CDH8: variants seen among roughly 807,000 people sequenced by gnomAD.
The protein encoded by CDH8 is cadherin 8.
In CDH8, 17 loss-of-function variants were observed where a neutral mutation model predicts 68.1. The ratio of observed to expected loss-of-function variants is 0.25; its 90% CI spans 0.17 to 0.37. The LOEUF is 0.37. Ranked by LOEUF, CDH8 falls within the 10% of genes least tolerant of loss-of-function variation. CDH8 has a pLI of 1.00. For missense variants in CDH8, 763 were observed against 999.3 expected (o/e 0.76, Z 3.19); for synonymous variants, 372 against 365.1 (o/e 1.02, Z -0.21).
At chr16:61,792,083 G>T (rs1307581143) in intron 7 of CDH8, among the ~76,000 whole-genome samples, 2 of 151,914 alleles carry the variant, frequency 1.3e-5, no homozygotes, top group African/African-American at 2.4e-5. Flanking sequence ...AAGTAGTGAA[G>T]AATGCTCTTC....
intron 3 of CDH8, among the ~76,000 whole-genome samples, chr16:61,869,397 A>C (rs1430463246): frequency 6.6e-6 from 1 of 152,148 alleles, no homozygotes; most frequent in Admixed American, 6.6e-5. Context: ...GGTGGAGGGC[A>C]GGTTGGAGGT....
chr16:61,897,161 GTCTAC>G (rs1395637525), intron 3 of CDH8, among the ~76,000 whole-genome samples: 43 of 150,960 alleles, frequency 2.8e-4, no homozygotes, highest in African/African-American at 9.7e-4. Context: ...TTATTGAAAT[GTCTAC>G]TCTATTAGCA....
chr16:61,965,706 G>A (rs754980787), intron 2 of CDH8, among the ~76,000 whole-genome samples: 2 of 152,208 alleles, frequency 1.3e-5, no homozygotes, highest in Non-Finnish European at 2.9e-5. Flanking sequence ...ACAACTGCCT[G>A]CCTTCCTGGT....
intron 2 of CDH8, among the ~76,000 whole-genome samples, chr16:61,968,298 T>G (rs1311548353): frequency 6.6e-6 from 1 of 152,252 alleles, no homozygotes; most frequent in Non-Finnish European, 1.5e-5. Context: ...CCTCCTCCTT[T>G]CATTCACCCT....
rs745998335 is a variant in CDH8, at chr16:61,655,500, C to T, written c.1876G>A (p.Ala626Thr). 5 of 1,614,062 alleles carry T rather than the reference C, an allele frequency of 3.1e-6. No homozygotes were observed. The East Asian group carries it at 6.7e-5, about 22-fold the overall frequency. ...AGCAAAATGATGCATGCTAATATGG[C>T]AATTAAGGCGCCCATACTGAGTCCA... The part of the protein sequence containing the change: ...PIGLSMGALI[A>T]ILACIILLLV... The change falls in exon 11 of 12, where the codon GCC (alanine) becomes ACC (threonine). Residue 626 changes from alanine to threonine, a missense_variant. Physicochemically the swap from Ala to Thr is moderately conservative, Grantham distance 58. Around this residue, in one of 2 missense-constraint regions of CDH8, gnomAD observed 397 missense variants for 436.2 expected, o/e 0.91. Transcript: ENST00000577390.
intron 2 of CDH8, among the ~76,000 whole-genome samples, chr16:61,943,478 T>G (rs1302212195): frequency 6.6e-6 from 1 of 152,208 alleles, no homozygotes; most frequent in African/African-American, 2.4e-5. Flanking sequence ...TCTGGATAGG[T>G]GTTTGCAGAT....
chr16:61,723,111 T>C (rs1959242297), intron 9 of CDH8, among the ~76,000 whole-genome samples: 1 of 150,778 alleles, frequency 6.6e-6, no homozygotes, highest in Admixed American at 6.6e-5. Context: ...CCTGCACTGA[T>C]AGATCATCCA....
At position 61,945,874 on chromosome 16, in the gene CDH8, A is replaced by G. The variant is rs374493805; in HGVS notation, c.253-44401T>C. 6.2e-4 allele frequency among the ~76,000 whole-genome samples: 94 copies of G among 152,150 alleles called. 2 individuals are homozygous for G. In the East Asian group the frequency reaches 0.017, roughly 28 times the overall value. ...TTTGTTTTGTTTTGTTTCTTTCACT[A>G]TTTCCTCCGATTTTTCTTCTAAATC... is the stretch of plus-strand genomic sequence containing the variant. On this transcript the variant is annotated intron_variant, in intron 2 of 11. Transcript: ENST00000577390.
intron 10 of CDH8, 93 bp from the exon 11 acceptor site, chr16:61,655,814 C>T: frequency 1.8e-6 from 2 of 1,117,354 alleles, no homozygotes; most frequent in South Asian, 1.5e-5. Flanking sequence ...CTTTGCAAAC[C>T]TCAAGACAAT....
At chr16:61,923,106 T>C (rs955569478) in intron 2 of CDH8, among the ~76,000 whole-genome samples, 2 of 152,318 alleles carry the variant, frequency 1.3e-5, no homozygotes, top group East Asian at 3.9e-4. Context: ...ACAAAATACA[T>C]TGTGTCATGT....
intron 4 of CDH8, among the ~76,000 whole-genome samples, chr16:61,846,155 A>C (rs990812727): frequency 1.3e-5 from 2 of 152,176 alleles, no homozygotes; most frequent in Non-Finnish European, 2.9e-5. Flanking sequence ...AGATGAATCA[A>C]AACTAATGAT....
chr16:61,748,166 C>G (rs777660747), intron 8 of CDH8, among the ~76,000 whole-genome samples: 46 of 152,128 alleles, frequency 3.0e-4, no homozygotes, highest in Non-Finnish European at 4.6e-4. Context: ...TGAAATCCTA[C>G]TTGCAAACCA....
At chr16:61,749,686 G>C (rs1960110005) in intron 8 of CDH8, among the ~76,000 whole-genome samples, 2 of 151,956 alleles carry the variant, frequency 1.3e-5, no homozygotes, top group African/African-American at 4.8e-5. Context: ...TGCTGAAAGA[G>C]TTAGCCCTTG....
chr16:61,714,278 C>T (rs1050803846), intron 9 of CDH8: 4 of 274,520 alleles, frequency 1.5e-5, no homozygotes, highest in Admixed American at 5.5e-5. Context: ...TGAGTATTTA[C>T]GGGCATCTAG....
rs184199821 is a variant in CDH8, at chr16:61,959,416, C to T, written c.253-57943G>A. Among the ~76,000 whole-genome samples, 20 of 152,050 alleles carry T rather than the reference C, an allele frequency of 1.3e-4. 1 individual carries two copies. In the East Asian group the frequency reaches 3.5e-3, roughly 27 times the overall value. On this transcript the variant is annotated intron_variant, in intron 2 of 11. Transcript: ENST00000577390. ...TTCACTTTTGAAAAATTAAGAATCT[C>T]GAGACAATGACAGCAGAGGATTCAT...
At chr16:61,777,405 G>A (rs550191472) in intron 8 of CDH8, among the ~76,000 whole-genome samples, 57 of 152,248 alleles carry the variant, frequency 3.7e-4, no homozygotes, top group African/African-American at 1.4e-3. Flanking sequence ...TCTACAGTAA[G>A]AGTTATTGTT....
At chr16:61,838,598 C>CT (rs1204217755) in intron 4 of CDH8, among the ~76,000 whole-genome samples, 2 of 152,048 alleles carry the variant, frequency 1.3e-5, no homozygotes, top group Non-Finnish European at 2.9e-5. Context: ...TTTTGTGCTT[C>CT]TTACAATACA....
intron 9 of CDH8, chr16:61,725,241 A>G (rs1200816092): frequency 6.7e-6 from 1 of 150,112 alleles, no homozygotes; most frequent in Non-Finnish European, 1.5e-5. Flanking sequence ...AGATGAGAAA[A>G]CAATGCATTT....
intron 8 of CDH8, among the ~76,000 whole-genome samples, chr16:61,766,398 C>A (rs1430775865): frequency 6.6e-6 from 1 of 151,926 alleles, no homozygotes; most frequent in South Asian, 2.1e-4. Flanking sequence ...GTTTGATGGA[C>A]ACTTATGTTG....
Sources: allele counts gnomAD v4.1 joint callset (sites outside exome capture counted in the v4.1 genomes callset), GRCh38; gene constraint gnomAD v4.1.1; regional missense constraint gnomAD v4.1.1; transcripts MANE v1.5; gene names NCBI Gene and HGNC (gene_info 2026-07-23, HGNC 2026-07-21).